Variants in PRKG1 observed in about 807,000 individuals in gnomAD.
PRKG1 encodes the protein cGMP-dependent protein kinase 1.
PRKG1 carries 35 observed loss-of-function variants against 88.1 expected under a neutral mutation model. That is an observed-to-expected ratio of 0.40 (90% CI 0.30 to 0.53). The LOEUF is 0.53. PRKG1 is among the 20% of genes least tolerant of loss of function. The probability of loss-of-function intolerance (pLI) is 0.59; values close to 1 mark genes in which losing one functional copy is unlikely to be tolerated. For synonymous variants in PRKG1, 303 were observed against 292.5 expected, an observed-to-expected ratio of 1.04 and a Z score of -0.37; for missense variants, 540 against 839.8, an observed-to-expected ratio of 0.64 and a Z score of 4.41.
chr10:51,299,292 G>A (rs1479678447), intron 2 of PRKG1, among the ~76,000 whole-genome samples: 2 of 151,632 alleles, frequency 1.3e-5, no homozygotes, highest in Non-Finnish European at 2.9e-5. Flanking sequence ...TGCAACCTCC[G>A]CCTCCTGGGT....
intron 3 of PRKG1, among the ~76,000 whole-genome samples, chr10:51,631,431 A>T (rs568558749): frequency 1.9e-4 from 29 of 152,332 alleles, no homozygotes; most frequent in African/African-American, 6.7e-4. Context: ...CTGCCACCAG[A>T]TGCAGCTGTA....
chr10:52,139,437 G>A (rs564019007), intron 8 of PRKG1, among the ~76,000 whole-genome samples: 4 of 152,116 alleles, frequency 2.6e-5, no homozygotes, highest in African/African-American at 4.8e-5. Flanking sequence ...CCTCCCAGCC[G>A]CATTGCTTAC....
At chr10:51,909,833 A>G (rs971639360) in intron 5 of PRKG1, 7 of 152,280 alleles carry the variant, frequency 4.6e-5, no homozygotes, top group Non-Finnish European at 1.0e-4. Context: ...TAAGGAGAGA[A>G]ATGGGGTCAA....
chr10:52,206,629 G>A (rs1264657667), intron 9 of PRKG1, among the ~76,000 whole-genome samples: 1 of 152,160 alleles, frequency 6.6e-6, no homozygotes, highest in African/African-American at 2.4e-5. Context: ...GCATTTAATC[G>A]TGGTATAAGA....
chr10:51,238,146 C>G (rs1839047253), intron 2 of PRKG1, among the ~76,000 whole-genome samples: 1 of 152,104 alleles, frequency 6.6e-6, no homozygotes, highest in African/African-American at 2.4e-5. Flanking sequence ...AAGTTAGAAG[C>G]ATGATTCTTT....
At chr10:51,346,905 C>T (rs192464977) in intron 2 of PRKG1, among the ~76,000 whole-genome samples, 4 of 152,114 alleles carry the variant, frequency 2.6e-5, no homozygotes, top group South Asian at 2.1e-4. Flanking sequence ...TTGTGTAAAC[C>T]GCTTCACTCA....
chr10:52,060,845 T>A (rs1355157550), intron 6 of PRKG1, among the ~76,000 whole-genome samples: 1 of 151,958 alleles, frequency 6.6e-6, no homozygotes. Context: ...TGCATAAGAA[T>A]GTTCACAGTA....
At chr10:52,153,289 C>T (rs1230939418) in intron 8 of PRKG1, among the ~76,000 whole-genome samples, 1 of 152,042 alleles carries the variant, frequency 6.6e-6, no homozygotes, top group Admixed American at 6.6e-5. Flanking sequence ...AATCCTATTT[C>T]AATAAAAATA....
chr10:51,731,811 T>C (rs969549515), intron 3 of PRKG1, among the ~76,000 whole-genome samples: 35 of 152,228 alleles, frequency 2.3e-4, no homozygotes, highest in African/African-American at 8.2e-4. Context: ...AAAACAGAAA[T>C]TTATTTTCTC....
chr10:51,614,465 C>A (rs796255802), intron 3 of PRKG1, among the ~76,000 whole-genome samples: 1 of 151,712 alleles, frequency 6.6e-6, no homozygotes, highest in African/African-American at 2.4e-5. Flanking sequence ...ATTCAAGGAT[C>A]ATTTTTTTAA....
rs140755033 is a variant in PRKG1, at chr10:51,921,888, C to A, written c.762+14318C>A. 3.4e-3 allele frequency among the ~76,000 whole-genome samples: 513 copies of A among 151,984 alleles called. 6 individuals carry two copies. The highest frequency in any genetic ancestry group is 0.011 in the African/African-American group (474 of 41,492). ...CAGTAGTTTTTCTTTCTTGTAATGT[C>A]TTTTTCTAATTTTGGTATAAGGGTA... On this transcript the variant is annotated intron_variant, in intron 5 of 17. Coordinates refer to ENST00000373980, the MANE Select transcript of PRKG1 (RefSeq NM_006258.4).
intron 4 of PRKG1, among the ~76,000 whole-genome samples, chr10:51,880,969 A>G (rs993646476): frequency 5.9e-5 from 9 of 152,182 alleles, no homozygotes; most frequent in Admixed American, 3.3e-4. Flanking sequence ...AGTGCTCTAA[A>G]GAAAAAATAA....
At chr10:51,369,601 G>T (rs1303241584) in intron 2 of PRKG1, among the ~76,000 whole-genome samples, 2 of 152,110 alleles carry the variant, frequency 1.3e-5, no homozygotes, top group Non-Finnish European at 2.9e-5. Flanking sequence ...CCCCAAGGCT[G>T]TACAGCTTCT....
intron 5 of PRKG1, among the ~76,000 whole-genome samples, chr10:52,034,015 T>G (rs962366611): frequency 6.6e-6 from 1 of 151,686 alleles, no homozygotes; most frequent in Non-Finnish European, 1.5e-5. Flanking sequence ...GAAAAGGACT[T>G]TCACAAGGTA....
intron 2 of PRKG1, among the ~76,000 whole-genome samples, chr10:51,228,857 C>T (rs972451244): frequency 2.0e-5 from 3 of 152,194 alleles, no homozygotes; most frequent in Non-Finnish European, 4.4e-5. Context: ...CCTACGTGGC[C>T]TGGATCCTGC....
At chr10:51,949,968 A>C (rs1358825158) in intron 5 of PRKG1, among the ~76,000 whole-genome samples, 1 of 152,206 alleles carries the variant, frequency 6.6e-6, no homozygotes, top group Non-Finnish European at 1.5e-5. Flanking sequence ...AAAGCATTTC[A>C]GTTTAAAATG....
intron 3 of PRKG1, among the ~76,000 whole-genome samples, chr10:51,556,735 G>A (rs187455153): frequency 1.8e-3 from 271 of 152,152 alleles, no homozygotes; most frequent in Non-Finnish European, 2.8e-3. Flanking sequence ...AGGAAGGCAG[G>A]AGGGGGATCA....
At chr10:52,022,564 G>A (rs1845213102) in intron 5 of PRKG1, among the ~76,000 whole-genome samples, 1 of 152,058 alleles carries the variant, frequency 6.6e-6, no homozygotes, top group Admixed American at 6.6e-5. Context: ...TATTTCAAGT[G>A]TTCTGGCTAT....
chr10:51,830,856 C>T (rs1839989669), intron 4 of PRKG1, among the ~76,000 whole-genome samples: 1 of 151,982 alleles, frequency 6.6e-6, no homozygotes, highest in Non-Finnish European at 1.5e-5. Flanking sequence ...GCCACCGCAC[C>T]CTGCCTAAAG....
Sources: gnomAD v4.1 joint callset for allele counts (sites outside exome capture counted in the v4.1 genomes callset) on GRCh38, gnomAD v4.1.1 for gene constraint, MANE v1.5 for transcripts, NCBI Gene and HGNC (gene_info 2026-07-23, HGNC 2026-07-21) for gene names.